Variants in PRKAR2A observed in about 807,000 individuals in gnomAD.
The protein encoded by PRKAR2A is protein kinase cAMP-dependent type II regulatory subunit alpha, also known as cAMP-dependent protein kinase type II-alpha regulatory subunit.
In PRKAR2A, 29 loss-of-function variants were observed where a neutral mutation model predicts 51.9. That is an observed-to-expected ratio of 0.56 (90% CI 0.42 to 0.76). The LOEUF (loss-of-function observed/expected upper bound fraction) is 0.76, where lower values mean the gene tolerates loss of function less well. PRKAR2A is among the 30% of genes least tolerant of loss of function. The probability of loss-of-function intolerance (pLI) is 0.00; values close to 1 mark genes in which losing one functional copy is unlikely to be tolerated. For missense variants in PRKAR2A, 445 were observed against 512.1 expected, an observed-to-expected ratio of 0.87 and a Z score of 1.26; for synonymous variants, 178 against 186.2, an observed-to-expected ratio of 0.96 and a Z score of 0.36.
At chr3:48,828,438 A>T (rs74604377) in intron 1 of PRKAR2A, among the ~76,000 whole-genome samples, 1 of 151,282 alleles carries the variant, frequency 6.6e-6, no homozygotes, top group South Asian at 2.1e-4. Flanking sequence ...ATTTTGCTGG[A>T]TGGGAATGGT....
intron 1 of PRKAR2A, among the ~76,000 whole-genome samples, chr3:48,840,383 TA>T (rs1394608631): frequency 6.6e-6 from 1 of 151,552 alleles, no homozygotes; most frequent in African/African-American, 2.4e-5. Context: ...TAATCCCAGC[TA>T]CTCGGGAGGC....
chr3:48,787,692 A>G (rs577563180), intron 4 of PRKAR2A, among the ~76,000 whole-genome samples: 1 of 152,340 alleles, frequency 6.6e-6, no homozygotes, highest in East Asian at 1.9e-4. Context: ...TCTCATAACC[A>G]GCCTTTCCTT....
chr3:48,792,916 G>T (rs1452391287), intron 3 of PRKAR2A, among the ~76,000 whole-genome samples: 1 of 151,664 alleles, frequency 6.6e-6, no homozygotes, highest in Non-Finnish European at 1.5e-5. Flanking sequence ...GCGACAGTGC[G>T]AGACTCTGTC....
chr3:48,838,868 C>T (rs1019979540), intron 1 of PRKAR2A, among the ~76,000 whole-genome samples: 5 of 151,732 alleles, frequency 3.3e-5, no homozygotes, highest in Non-Finnish European at 7.4e-5. Flanking sequence ...CCTGTAGTCC[C>T]AGCTACTCGG....
chr3:48,751,313 C>T lies in PRKAR2A; in HGVS notation c.*272G>A, dbSNP rs763037081. ...CACTTAAATTGTTGGAGAGACATGC[C>T]GTTTTGAACCAAAGATATAAAAACT... On this transcript the variant is annotated 3_prime_UTR_variant, in exon 11 of 11. Coordinates refer to ENST00000265563, the MANE Select transcript of PRKAR2A (RefSeq NM_004157.4). 6 of 591,892 alleles carry T rather than the reference C, an allele frequency of 1.0e-5. No individual in the cohort carries two copies. The highest frequency in any genetic ancestry group is 3.7e-5 in the African/African-American group (2 of 54,746). The allele number at this position is 591,892 out of a possible 1,614,324, so 36.7% of individuals were successfully genotyped here.
chr3:48,827,808 C>G (rs768154641), intron 1 of PRKAR2A, among the ~76,000 whole-genome samples: 9 of 152,062 alleles, frequency 5.9e-5, no homozygotes, highest in African/African-American at 1.9e-4. Context: ...ATAAAAAATA[C>G]GTTTTTTCTT....
intron 1 of PRKAR2A, among the ~76,000 whole-genome samples, chr3:48,846,678 A>G (rs930222406): frequency 1.3e-5 from 2 of 152,186 alleles, no homozygotes; most frequent in Admixed American, 6.6e-5. Flanking sequence ...ACTCTCACCA[A>G]ATTTGATTCA....
intron 2 of PRKAR2A, among the ~76,000 whole-genome samples, chr3:48,799,729 T>C (rs2082555267): frequency 6.6e-6 from 1 of 152,228 alleles, no homozygotes; most frequent in Non-Finnish European, 1.5e-5. Context: ...GTCACAGTCA[T>C]CACTAGAGTC....
downstream of PRKAR2A, among the ~76,000 whole-genome samples, chr3:48,745,163 C>A (rs1027887950): frequency 2.0e-5 from 3 of 151,694 alleles, no homozygotes; most frequent in Admixed American, 2.0e-4. Context: ...GCATGAGCAA[C>A]CGCACCCAGC....
intron 1 of PRKAR2A, among the ~76,000 whole-genome samples, chr3:48,824,197 C>T (rs1425146772): frequency 2.6e-5 from 4 of 152,022 alleles, no homozygotes; most frequent in East Asian, 1.9e-4. Flanking sequence ...GCTGAGATCA[C>T]GCCATCACAC....
chr3:48,828,708 CAAAAAAAA>C (rs547132768), intron 1 of PRKAR2A, among the ~76,000 whole-genome samples: 24 of 83,502 alleles, frequency 2.9e-4, no homozygotes, highest in African/African-American at 8.5e-4. Context: ...CCCCTGTCTC[CAAAAAAAA>C]AAAAAAAAAA....
chr3:48,817,926 G>A (rs139728409), intron 1 of PRKAR2A, among the ~76,000 whole-genome samples: 1 of 152,214 alleles, frequency 6.6e-6, no homozygotes, highest in African/African-American at 2.4e-5. Flanking sequence ...AGCATGTAGA[G>A]TTGCTATGCC....
intron 9 of PRKAR2A, among the ~76,000 whole-genome samples, chr3:48,754,056 C>T (rs1359329761): frequency 6.6e-6 from 1 of 150,778 alleles, no homozygotes; most frequent in Non-Finnish European, 1.5e-5. Flanking sequence ...CGCAACCACA[C>T]CTGGCTAATA....
At chr3:48,785,532 T>C (rs1188002439) in intron 4 of PRKAR2A, among the ~76,000 whole-genome samples, 1 of 152,076 alleles carries the variant, frequency 6.6e-6, no homozygotes, top group Non-Finnish European at 1.5e-5. Flanking sequence ...AGTGCTAGGA[T>C]TACAGGCGTG....
intron 1 of PRKAR2A, among the ~76,000 whole-genome samples, chr3:48,815,547 T>A (rs1336638607): frequency 6.6e-6 from 1 of 150,538 alleles, no homozygotes; most frequent in African/African-American, 2.4e-5. Context: ...ATACAAGAAA[T>A]TAGCCAGGCG....
intron 1 of PRKAR2A, among the ~76,000 whole-genome samples, chr3:48,811,910 G>T (rs2082777555): frequency 6.6e-6 from 1 of 152,048 alleles, no homozygotes; most frequent in South Asian, 2.1e-4. Flanking sequence ...AATTCCCAGA[G>T]AAGTTAAAAC....
chr3:48,764,689 A>G (rs908621903), intron 8 of PRKAR2A, among the ~76,000 whole-genome samples: 1 of 152,138 alleles, frequency 6.6e-6, no homozygotes, highest in Non-Finnish European at 1.5e-5. Flanking sequence ...CAGTGGCGCA[A>G]TCTCGACTCA....
intron 1 of PRKAR2A, among the ~76,000 whole-genome samples, chr3:48,839,808 G>A (rs1243646503): frequency 1.3e-5 from 2 of 151,958 alleles, no homozygotes; most frequent in Admixed American, 6.6e-5. Flanking sequence ...TTTAAGTAGT[G>A]TAGACTTATT....
chr3:48,753,630 TCA>T (rs2081701030), intron 9 of PRKAR2A, among the ~76,000 whole-genome samples: 1 of 152,118 alleles, frequency 6.6e-6, no homozygotes, highest in African/African-American at 2.4e-5. Context: ...AAGGGACTTA[TCA>T]CACTGTCACA....
Sources: gnomAD v4.1 joint callset for allele counts (sites outside exome capture counted in the v4.1 genomes callset) on GRCh38, gnomAD v4.1.1 for gene constraint, MANE v1.5 for transcripts, NCBI Gene and HGNC (gene_info 2026-07-23, HGNC 2026-07-21) for gene names.